C8orf74: variants seen among roughly 807,000 people sequenced by gnomAD.
C8orf74 encodes uncharacterized protein C8orf74.
C8orf74 carries 29 observed loss-of-function variants against 22.2 expected under a neutral mutation model. That is an observed-to-expected ratio of 1.31 (90% CI 0.97 to 1.78). The LOEUF is 1.78. C8orf74 is among the 40% of genes most tolerant of loss of function. C8orf74 has a pLI of 0.00. For missense variants in C8orf74, 515 were observed against 369.9 expected, an observed-to-expected ratio of 1.39 and a Z score of -3.22; for synonymous variants, 255 against 163.1, an observed-to-expected ratio of 1.56 and a Z score of -4.30.
At chr8:10,686,739 A>G (rs1490415708) in intron 2 of C8orf74, 1 of 158,984 alleles carries the variant, frequency 6.3e-6, no homozygotes, top group Non-Finnish European at 1.4e-5. Flanking sequence ...TGGATTTGGG[A>G]AGTCTGGCCC....
At chr8:10,690,285 G>A (rs1799347930) in intron 2 of C8orf74, among the ~76,000 whole-genome samples, 2 of 152,336 alleles carry the variant, frequency 1.3e-5, no homozygotes, top group South Asian at 2.1e-4. Flanking sequence ...GAGTGACCCA[G>A]AGCATGCATG....
Sources: gnomAD v4.1 joint callset for allele counts (sites outside exome capture counted in the v4.1 genomes callset) on GRCh38, gnomAD v4.1.1 for gene constraint, MANE v1.5 for transcripts, NCBI Gene and HGNC (gene_info 2026-07-23, HGNC 2026-07-21) for gene names.